Variants in DTNA observed in about 807,000 individuals in gnomAD.
DTNA encodes the protein dystrophin-related protein 3.
In DTNA, 43 loss-of-function variants were observed where a neutral mutation model predicts 100.7. The observed-to-expected ratio is 0.43, with a 90% CI of 0.33 to 0.55. DTNA has a LOEUF of 0.55. Among genes scored for constraint, DTNA ranks in the 20% least tolerant of loss-of-function variants. The pLI is 0.04. For missense variants in DTNA, 798 were observed against 953.9 expected (o/e 0.84, Z 2.15); for synonymous variants, 349 against 347.9 (o/e 1.00, Z -0.04).
intron 1 of DTNA, among the ~76,000 whole-genome samples, chr18:34,742,587 C>T (rs2147789645): frequency 6.8e-6 from 1 of 148,044 alleles, no homozygotes; most frequent in Non-Finnish European, 1.5e-5. Context: ...ATAACGTATT[C>T]ACAAATTTGG....
chr18:34,794,227 C>G lies in DTNA; in HGVS notation c.339C>G (p.Asn113Lys). ...HVEQSISLLL[N>K]FLLAAFDPEG... The stretch of plus-strand genomic sequence containing the variant: ...AGCAGTCCATCAGCCTCCTCCTTAA[C>G]TTCCTGCTTGCAGCGTTTGATCCGT... The change falls in exon 4 of 23, where the codon AAC becomes AAG. Residue 113 changes from asparagine to lysine, a missense_variant. This residue lies in a region of DTNA where 197 missense variants were observed against 215.4 expected (regional missense o/e 0.91). Coordinates refer to ENST00000444659, the MANE Select transcript of DTNA (RefSeq NM_001386795.1). 6.2e-7 allele frequency: 1 copy of G among 1,614,106 alleles called. No homozygotes were observed. The highest frequency in any genetic ancestry group is 8.5e-7 in the Non-Finnish European group (1 of 1,179,976).
At chr18:34,879,372 T>C (rs978117803) in intron 19 of DTNA, among the ~76,000 whole-genome samples, 179 bp from the exon 20 acceptor site, 13 of 152,224 alleles carry the variant, frequency 8.5e-5, no homozygotes, top group African/African-American at 2.9e-4. Context: ...AATGATTTTA[T>C]AGTAATTCAT....
chr18:34,650,913 A>T (rs1012532341), intron 1 of DTNA, among the ~76,000 whole-genome samples: 3 of 152,186 alleles, frequency 2.0e-5, no homozygotes, highest in Non-Finnish European at 1.5e-5. Context: ...TTGAATGTTT[A>T]AAAATTATTT....
Position 34,883,972 on chromosome 18 carries a change from A to C in DTNA, c.2296-756A>C, listed in dbSNP as rs145608383. On this transcript the variant is annotated intron_variant, in intron 21 of 22. Coordinates refer to ENST00000444659, the MANE Select transcript of DTNA (RefSeq NM_001386795.1). ...TCAGAAACAAATTCGCCTGATTGCA[A>C]ACCCATGGAGAGTGCAGTTTTCCTT... Among the ~76,000 whole-genome samples, 14 of 152,324 alleles carry C rather than the reference A, an allele frequency of 9.2e-5. No individual in the cohort carries two copies. The East Asian group carries it at 1.7e-3, about 19-fold the overall frequency.
rs941298006 is a variant in DTNA, at chr18:34,836,945, C to T, written c.1176-1149C>T. Reference sequence around the variant, plus strand: ...ATGTATAAATTTATATTTTTTAGTACTTCATGGCCTGAAAGAATGGTGCTT... The same window carrying T: ...ATGTATAAATTTATATTTTTTAGTATTTCATGGCCTGAAAGAATGGTGCTT... On this transcript the variant is annotated intron_variant, in intron 11 of 22. Coordinates refer to ENST00000444659, the MANE Select transcript of DTNA (RefSeq NM_001386795.1). 3.9e-5 allele frequency among the ~76,000 whole-genome samples: 6 copies of T among 152,040 alleles called. No homozygotes were observed. The South Asian group carries it at 1.2e-3, about 32-fold the overall frequency.
At chr18:34,663,458 C>A (rs2075477996) in intron 1 of DTNA, among the ~76,000 whole-genome samples, 1 of 152,156 alleles carries the variant, frequency 6.6e-6, no homozygotes, top group Non-Finnish European at 1.5e-5. Context: ...AGCCACCGTG[C>A]CTAGCCACAT....
intron 1 of DTNA, among the ~76,000 whole-genome samples, chr18:34,555,569 T>C (rs2045942743): frequency 6.6e-6 from 1 of 152,248 alleles, no homozygotes; most frequent in African/African-American, 2.4e-5. Flanking sequence ...GATTCTAGTG[T>C]GTTGTGTCTT....
chr18:34,856,583 T>A (rs909323245), intron 15 of DTNA, among the ~76,000 whole-genome samples: 1 of 152,210 alleles, frequency 6.6e-6, no homozygotes, highest in African/African-American at 2.4e-5. Flanking sequence ...GGCAGGCTGA[T>A]ATATGTGGGG....
intron 3 of DTNA, among the ~76,000 whole-genome samples, chr18:34,769,362 A>C (rs963415491): frequency 1.3e-5 from 2 of 152,228 alleles, no homozygotes; most frequent in African/African-American, 4.8e-5. Flanking sequence ...AACATTAGTC[A>C]ACATTGAATA....
intron 1 of DTNA, among the ~76,000 whole-genome samples, chr18:34,535,561 T>C (rs1409502269): frequency 7.2e-5 from 11 of 152,092 alleles, no homozygotes; most frequent in Admixed American, 2.0e-4. Flanking sequence ...TTATTAAGTC[T>C]TTGCCCATGC....
intron 1 of DTNA, among the ~76,000 whole-genome samples, chr18:34,626,441 C>A (rs1287863214): frequency 6.6e-6 from 1 of 150,738 alleles, no homozygotes; most frequent in Non-Finnish European, 1.5e-5. Context: ...CAGAAAGTGT[C>A]CTGAAGTTAA....
intron 1 of DTNA, among the ~76,000 whole-genome samples, chr18:34,510,028 G>A (rs2040878545): frequency 6.6e-6 from 1 of 150,472 alleles, no homozygotes; most frequent in Non-Finnish European, 1.5e-5. Context: ...TAGTTTAAGG[G>A]ATAAAAATAG....
chr18:34,889,296 G>A lies in DTNA; in HGVS notation c.*1562G>A, dbSNP rs141815886. Reference sequence around the variant, plus strand: ...ATCTGCAACACTTAGGAAGGTCTTCGAAATACTAATTTGTAAGCCCCACCT... The same window carrying A: ...ATCTGCAACACTTAGGAAGGTCTTCAAAATACTAATTTGTAAGCCCCACCT... On this transcript the variant is annotated 3_prime_UTR_variant, in exon 23 of 23. Transcript: ENST00000444659. 37 of 982,902 alleles carry A rather than the reference G, an allele frequency of 3.8e-5. No individual in the cohort carries two copies. Among genetic ancestry groups the A allele is most frequent in the Middle Eastern group, 5.2e-4 (1 of 1,912 alleles). The allele number at this position is 982,902 out of a possible 1,614,324, so 60.9% of individuals were successfully genotyped here.
rs9948929 is a variant in DTNA at position 34,622,028 on chromosome 18, T to C, written c.-2+128514T>C. On this transcript the variant is annotated intron_variant, in intron 1 of 19. Coordinates refer to the DTNA transcript ENST00000283365. The stretch of plus-strand genomic sequence containing the variant: ...GGCAGAGGGGAGGAATTGGGAGATA[T>C]TGTCCAAAGGATACAAAATTTCAGT... 9.0e-3 allele frequency among the ~76,000 whole-genome samples: 1,377 copies of C among 152,184 alleles called. 16 individuals are homozygous for C. The highest frequency in any genetic ancestry group is 0.031 in the African/African-American group (1,298 of 41,524).
At chr18:34,551,719 T>C (rs1019440278) in intron 1 of DTNA, among the ~76,000 whole-genome samples, 8 of 152,158 alleles carry the variant, frequency 5.3e-5, no homozygotes, top group African/African-American at 1.4e-4. Flanking sequence ...GGAAAAAGTA[T>C]ATCTTTTGGT....
chr18:34,870,966 A>G (rs2096759610), intron 17 of DTNA, among the ~76,000 whole-genome samples: 1 of 152,260 alleles, frequency 6.6e-6, no homozygotes, highest in Admixed American at 6.5e-5. Flanking sequence ...TATAAAAATT[A>G]TCATCAGTGT....
intron 18 of DTNA, among the ~76,000 whole-genome samples, chr18:34,877,485 T>A (rs750859535): frequency 1.1e-4 from 16 of 152,154 alleles, no homozygotes; most frequent in Admixed American, 5.9e-4. Flanking sequence ...GGACAAATAA[T>A]ATATGAAACT....
intron 1 of DTNA, among the ~76,000 whole-genome samples, chr18:34,618,839 C>G (rs1363328139): frequency 6.6e-6 from 1 of 152,064 alleles, no homozygotes; most frequent in Non-Finnish European, 1.5e-5. Context: ...CAGCCATGTA[C>G]CAATTAATTT....
chr18:34,526,381 A>G, intron 1 of DTNA, among the ~76,000 whole-genome samples: 1 of 152,156 alleles, frequency 6.6e-6, no homozygotes, highest in Non-Finnish European at 1.5e-5. Flanking sequence ...GACTGATCTC[A>G]GATATTAGTC....
Sources: gnomAD v4.1 joint callset for allele counts (sites outside exome capture counted in the v4.1 genomes callset) on GRCh38, gnomAD v4.1.1 for gene constraint, gnomAD v4.1.1 regional missense constraint, MANE v1.5 for transcripts, NCBI Gene and HGNC (gene_info 2026-07-23, HGNC 2026-07-21) for gene names.